The following LRRC4C variants were observed in gnomAD, a reference collection of about 807,000 sequenced individuals.
LRRC4C encodes leucine rich repeat containing 4C.
LRRC4C carries 5 observed loss-of-function variants against 33.6 expected under a neutral mutation model. That is an observed-to-expected ratio of 0.15 (90% CI 0.08 to 0.31). The LOEUF (loss-of-function observed/expected upper bound fraction) is 0.31. LRRC4C is among the 10% of genes least tolerant of loss of function. LRRC4C has a pLI of 1.00. For missense variants in LRRC4C, 560 were observed against 796.7 expected (o/e 0.70, Z 3.58); for synonymous variants, 329 against 302.0 (o/e 1.09, Z -0.93).
chr11:41,411,668 A>T (rs1378973778), intron 1 of LRRC4C, among the ~76,000 whole-genome samples: 1 of 152,212 alleles, frequency 6.6e-6, no homozygotes, highest in Non-Finnish European at 1.5e-5. Flanking sequence ...TCCTTTCTTT[A>T]TAAAGTTGAT....
At chr11:41,324,882 G>T (rs555236564) in intron 1 of LRRC4C, among the ~76,000 whole-genome samples, 29 of 152,190 alleles carry the variant, frequency 1.9e-4, no homozygotes, top group Middle Eastern at 3.4e-3. Context: ...AATATTTGGG[G>T]ATTTTACACT....
Position 40,695,801 on chromosome 11 carries a change from C to G in LRRC4C, c.-406-47523G>C, listed in dbSNP as rs142999824. ...CCCTCCTGCTTCATTCTTTTACTTA[C>G]GAGGAGACAATGACCTCACTGGGCT... On this transcript the variant is annotated intron_variant, in intron 2 of 6. Coordinates refer to ENST00000528697, the MANE Select transcript of LRRC4C (RefSeq NM_001258419.2). Among the ~76,000 whole-genome samples the G allele has an allele frequency of 3.3e-3, 509 of 152,108 alleles. 2 individuals carry two copies. Among genetic ancestry groups the G allele is most frequent in the African/African-American group, 0.012 (491 of 41,508 alleles).
At chr11:40,295,257 T>C (rs1425499611) in intron 4 of LRRC4C, among the ~76,000 whole-genome samples, 3 of 152,198 alleles carry the variant, frequency 2.0e-5, no homozygotes, top group African/African-American at 4.8e-5. Context: ...TCACTTTATG[T>C]CATTTATGTA....
intron 2 of LRRC4C, among the ~76,000 whole-genome samples, chr11:40,884,772 G>A (rs1591989690): frequency 6.6e-6 from 1 of 152,168 alleles, no homozygotes; most frequent in Non-Finnish European, 1.5e-5. Context: ...CCTAAAAAAA[G>A]TGTAGATATT....
At chr11:41,092,463 A>T (rs1940494203) in intron 1 of LRRC4C, among the ~76,000 whole-genome samples, 1 of 152,210 alleles carries the variant, frequency 6.6e-6, no homozygotes, top group Admixed American at 6.5e-5. Flanking sequence ...AACTATTTGT[A>T]CAGTGAATGA....
At chr11:40,225,203 G>A (rs534711088) in intron 5 of LRRC4C, among the ~76,000 whole-genome samples, 22 of 152,258 alleles carry the variant, frequency 1.4e-4, no homozygotes, top group East Asian at 1.9e-4. Context: ...AACTTTTGTC[G>A]TGAATTGGCC....
intron 3 of LRRC4C, among the ~76,000 whole-genome samples, chr11:40,393,214 C>T (rs936549940): frequency 6.6e-6 from 1 of 152,022 alleles, no homozygotes; most frequent in Non-Finnish European, 1.5e-5. Context: ...ATAAATGAAA[C>T]CTTAAAACTT....
chr11:40,601,544 G>A (rs1959992751), intron 3 of LRRC4C, among the ~76,000 whole-genome samples: 1 of 152,196 alleles, frequency 6.6e-6, no homozygotes, highest in African/African-American at 2.4e-5. Context: ...AAGTGGCCAG[G>A]TGATTACTGA....
At chr11:40,448,685 T>C (rs760650202) in intron 3 of LRRC4C, among the ~76,000 whole-genome samples, 15 of 152,240 alleles carry the variant, frequency 9.9e-5, no homozygotes, top group Non-Finnish European at 2.1e-4. Context: ...GTTTTTGCTA[T>C]TGTGAATACT....
At chr11:41,357,197 A>G (rs896118676) in intron 1 of LRRC4C, among the ~76,000 whole-genome samples, 1 of 152,148 alleles carries the variant, frequency 6.6e-6, no homozygotes, top group Non-Finnish European at 1.5e-5. Context: ...TCATCCCAAG[A>G]GTAATAAACT....
intron 3 of LRRC4C, among the ~76,000 whole-genome samples, chr11:40,388,125 G>A (rs1013767695): frequency 1.3e-5 from 2 of 152,030 alleles, no homozygotes; most frequent in Admixed American, 6.5e-5. Flanking sequence ...ACCTGTTACT[G>A]ACTTATTTAA....
intron 3 of LRRC4C, among the ~76,000 whole-genome samples, chr11:40,639,717 T>G (rs963831828): frequency 2.0e-5 from 3 of 152,210 alleles, no homozygotes; most frequent in African/African-American, 7.2e-5. Flanking sequence ...CTGTGAAACA[T>G]TTTGCTTTAC....
At chr11:40,279,494 C>CTT (rs1194165471) in intron 4 of LRRC4C, among the ~76,000 whole-genome samples, 3 of 152,102 alleles carry the variant, frequency 2.0e-5, no homozygotes, top group African/African-American at 7.2e-5. Flanking sequence ...GAGGCATATG[C>CTT]TTAGTAATTA....
intron 1 of LRRC4C, among the ~76,000 whole-genome samples, chr11:41,365,304 C>A: frequency 6.6e-6 from 1 of 151,718 alleles, no homozygotes; most frequent in East Asian, 1.9e-4. Flanking sequence ...TCCCAACACC[C>A]CCAGATGGGA....
intron 3 of LRRC4C, among the ~76,000 whole-genome samples, chr11:40,366,409 G>C (rs915165534): frequency 6.6e-6 from 1 of 151,998 alleles, no homozygotes; most frequent in Non-Finnish European, 1.5e-5. Flanking sequence ...GCTTTATAAA[G>C]AAGTTGAGGT....
chr11:41,439,676 T>C (rs1955550373), intron 1 of LRRC4C, among the ~76,000 whole-genome samples: 1 of 152,218 alleles, frequency 6.6e-6, no homozygotes, highest in South Asian at 2.1e-4. Flanking sequence ...GCAGCTTGTA[T>C]GTCTTTTAAA....
At chr11:40,137,046 CA>C (rs1177812159) in intron 6 of LRRC4C, among the ~76,000 whole-genome samples, 3 of 151,882 alleles carry the variant, frequency 2.0e-5, no homozygotes, top group Admixed American at 6.6e-5. Flanking sequence ...CATATAACAA[CA>C]AAAAAAGTTA....
intron 4 of LRRC4C, among the ~76,000 whole-genome samples, chr11:40,255,618 C>T (rs116531132): frequency 0.025 from 3,797 of 152,208 alleles, 162 homozygotes; most frequent in African/African-American, 0.083. Context: ...ATCTGCTCAG[C>T]GGCTGTGTGA....
intron 1 of LRRC4C, among the ~76,000 whole-genome samples, chr11:41,158,829 A>G (rs1944343490): frequency 6.6e-6 from 1 of 152,174 alleles, no homozygotes; most frequent in Non-Finnish European, 1.5e-5. Context: ...AATATAATAC[A>G]CAAGACCACA....
Sources: allele counts gnomAD v4.1 joint callset (sites outside exome capture counted in the v4.1 genomes callset), GRCh38; gene constraint gnomAD v4.1.1; transcripts MANE v1.5; gene names NCBI Gene and HGNC (gene_info 2026-07-23, HGNC 2026-07-21).